Variants in CUX2 observed in about 807,000 individuals in gnomAD.
CUX2 encodes homeobox protein cut-like 2.
Under a neutral mutation model 144.8 loss-of-function variants are expected in CUX2, and 40 were observed. The ratio of observed to expected loss-of-function variants is 0.28; its 90% CI spans 0.21 to 0.36. The LOEUF is 0.36. CUX2 is among the 10% of genes least tolerant of loss of function. The pLI is 1.00. For synonymous variants in CUX2, 827 were observed against 875.6 expected (o/e 0.94, Z 0.98); for missense variants, 1,615 against 1,994.0 (o/e 0.81, Z 3.62).
chr12:111,263,687 A>G lies in CUX2; in HGVS notation c.223-74A>G, dbSNP rs1421561887. ...CCTGCAGATGTTTTCTTGTGGAAAA[A>G]AAAAATGATGAAATTTGCTTGCAGA... is the stretch of plus-strand genomic sequence containing the variant. On this transcript the variant is annotated intron_variant, in intron 3 of 21. Coordinates refer to ENST00000261726, the MANE Select transcript of CUX2 (RefSeq NM_015267.4). The surrounding 1 kb of genome is among the most constrained non-coding windows in gnomAD (Gnocchi z 4.0). 2.5e-6 allele frequency: 3 copies of G among 1,223,628 alleles called. No homozygotes were observed. Among genetic ancestry groups the G allele is most frequent in the Non-Finnish European group, 3.6e-6 (3 of 844,052 alleles). The allele number at this position is 1,223,628 out of a possible 1,614,324, so 75.8% of individuals were successfully genotyped here.
At chr12:111,217,326 G>A (rs1211632228) in intron 2 of CUX2, among the ~76,000 whole-genome samples, 1 of 152,210 alleles carries the variant, frequency 6.6e-6, no homozygotes, top group Non-Finnish European at 1.5e-5. Flanking sequence ...AGGAAGGAGA[G>A]TCAGTTACAC....
At chr12:111,285,362 T>C (rs1276741182) in intron 4 of CUX2, among the ~76,000 whole-genome samples, 2 of 152,188 alleles carry the variant, frequency 1.3e-5, no homozygotes, top group East Asian at 3.9e-4. Context: ...GCAGAGCATC[T>C]GACCCTCTGC....
chr12:111,071,206 T>C (rs1468733497), intron 1 of CUX2, among the ~76,000 whole-genome samples: 2 of 152,150 alleles, frequency 1.3e-5, no homozygotes, highest in Admixed American at 1.3e-4. Context: ...AAATTGTCTT[T>C]CAAAGTGGCT....
At chr12:111,067,794 A>T (rs761555795) in intron 1 of CUX2, among the ~76,000 whole-genome samples, 1 of 152,178 alleles carries the variant, frequency 6.6e-6, no homozygotes, top group Non-Finnish European at 1.5e-5. Context: ...GGGAGGCCAT[A>T]GGGTGTGCCA....
chr12:111,202,321 T>C (rs1880644438), intron 1 of CUX2, among the ~76,000 whole-genome samples: 1 of 152,194 alleles, frequency 6.6e-6, no homozygotes, highest in East Asian at 1.9e-4. Flanking sequence ...TGGTTTTAAA[T>C]TCCGAGAACT....
chr12:111,229,494 G>C (rs1375213884), intron 3 of CUX2, among the ~76,000 whole-genome samples: 1 of 152,184 alleles, frequency 6.6e-6, no homozygotes, highest in Non-Finnish European at 1.5e-5. Context: ...ATGGGCCCAG[G>C]TCAGGTCACT....
intron 1 of CUX2, among the ~76,000 whole-genome samples, chr12:111,145,230 T>C (rs2136128472): frequency 6.6e-6 from 1 of 152,300 alleles, no homozygotes; most frequent in African/African-American, 2.4e-5. Flanking sequence ...ATGCAGGATT[T>C]CTTTACTCTG....
chr12:111,202,307 C>T (rs973366980), intron 1 of CUX2, among the ~76,000 whole-genome samples: 9 of 152,120 alleles, frequency 5.9e-5, no homozygotes, highest in Admixed American at 1.3e-4. Context: ...TCCTGGTGCC[C>T]GTGTGGTTTT....
intron 1 of CUX2, among the ~76,000 whole-genome samples, chr12:111,110,848 A>G (rs958444912): frequency 6.6e-6 from 1 of 152,160 alleles, no homozygotes. Flanking sequence ...TGAAGGGGGA[A>G]CCCACACGTT....
chr12:111,160,976 C>T lies in CUX2; in HGVS notation c.64-53224C>T, dbSNP rs1877721698. On this transcript the variant is annotated intron_variant, in intron 1 of 21. Transcript: ENST00000261726. The surrounding 1 kb of genome is among the most constrained non-coding windows in gnomAD (Gnocchi z 4.1). Reference sequence around the variant, plus strand: ...TCCCTTTTGGCTATGGGTTTGAAACCTGAGATGCCCATGGTCTCCCAGAGG... The same window carrying T: ...TCCCTTTTGGCTATGGGTTTGAAACTTGAGATGCCCATGGTCTCCCAGAGG... Among the ~76,000 whole-genome samples the T allele has an allele frequency of 6.6e-6, 1 of 152,158 alleles. No homozygotes were observed.
chr12:111,259,736 A>T (rs528927011), intron 3 of CUX2, among the ~76,000 whole-genome samples: 13 of 150,452 alleles, frequency 8.6e-5, no homozygotes, highest in Middle Eastern at 3.4e-3. Context: ...TGTGGTGCAC[A>T]TCTGTAATTG....
intron 1 of CUX2, among the ~76,000 whole-genome samples, chr12:111,120,360 C>T (rs1874572405): frequency 1.3e-5 from 2 of 152,064 alleles, no homozygotes; most frequent in African/African-American, 2.4e-5. Flanking sequence ...GGGGGATCAC[C>T]GGCTATTACT....
intron 1 of CUX2, among the ~76,000 whole-genome samples, chr12:111,054,638 C>G (rs1233051955): frequency 6.6e-6 from 1 of 151,958 alleles, no homozygotes; most frequent in Non-Finnish European, 1.5e-5. Flanking sequence ...TGTAGACATT[C>G]TTTTTTGAGA....
chr12:111,100,783 CTG>C, intron 1 of CUX2, among the ~76,000 whole-genome samples: 1 of 152,276 alleles, frequency 6.6e-6, no homozygotes, highest in South Asian at 2.1e-4. Flanking sequence ...GCTGGAGCAC[CTG>C]TGTGAGTATG....
intron 1 of CUX2, among the ~76,000 whole-genome samples, chr12:111,194,948 G>C (rs1357628768): frequency 6.6e-6 from 1 of 152,134 alleles, no homozygotes; most frequent in African/African-American, 2.4e-5. Context: ...AGAAAGTCCT[G>C]CTGCCTGTGA....
rs923602453 is a variant in CUX2 at position 111,277,629 on chromosome 12, GC to G, written c.302-13785del. ...GTCCATCATTCCCTCTAGAGTGTCA[GC>G]CCCAGGAGGGCAGGAATTTTCTATC... On this transcript the variant is annotated intron_variant, in intron 4 of 21. Transcript: ENST00000261726. This position sits in a 1 kb window ranked among gnomAD's most constrained non-coding sequence, Gnocchi z 5.0. 6.6e-6 allele frequency among the ~76,000 whole-genome samples: 1 copy of G among 152,086 alleles called. No individual in the cohort carries two copies. Among genetic ancestry groups the G allele is most frequent in the Non-Finnish European group, 1.5e-5 (1 of 68,026 alleles).
In CUX2 at chr12:111,336,424, TTGTGTGTGTGTGTGTGTGTGTG is replaced by T. The variant is rs57009074; in HGVS notation, c.3196+1728_3196+1749del. On this transcript the variant is annotated intron_variant, in intron 19 of 21. Coordinates refer to ENST00000261726, the MANE Select transcript of CUX2 (RefSeq NM_015267.4). ...CATTGGCCTCTCAGACACTTCAGTGTTGTGTGTGTGTGTGTGTGTGTGTGTGTGTGTGTGTTTAAGATGGAGT... is the reference window on the plus strand; with the variant it reads ...CATTGGCCTCTCAGACACTTCAGTGTTGTGTGTGTGTGTTTAAGATGGAGT... Among the ~76,000 whole-genome samples, 452 of 146,134 alleles carry T rather than the reference TTGTGTGTGTGTGTGTGTGTGTG, an allele frequency of 3.1e-3. 3 individuals are homozygous for T. Among genetic ancestry groups the T allele is most frequent in the Non-Finnish European group, 5.4e-3 (355 of 65,846 alleles).
At chr12:111,225,976 C>T (rs1463677709) in intron 3 of CUX2, among the ~76,000 whole-genome samples, 1 of 152,212 alleles carries the variant, frequency 6.6e-6, no homozygotes, top group African/African-American at 2.4e-5. Context: ...ACATGACCCA[C>T]CCTTTTTCCG....
chr12:111,326,710 C>T (rs986814752), intron 18 of CUX2, among the ~76,000 whole-genome samples: 3 of 152,056 alleles, frequency 2.0e-5, no homozygotes, highest in African/African-American at 7.3e-5. Context: ...TTGAGACCAG[C>T]CTGGCCAACA....
Sources: allele counts gnomAD v4.1 joint callset (sites outside exome capture counted in the v4.1 genomes callset), GRCh38; gene constraint gnomAD v4.1.1; non-coding constraint Gnocchi (gnomAD v3.1); transcripts MANE v1.5; gene names NCBI Gene and HGNC (gene_info 2026-07-23, HGNC 2026-07-21).